The following HCN1 variants were observed in gnomAD, a reference collection of about 807,000 sequenced individuals.
HCN1 encodes potassium/sodium hyperpolarization-activated cyclic nucleotide-gated channel 1.
Under a neutral mutation model 78.9 loss-of-function variants are expected in HCN1, and 13 were observed. The ratio of observed to expected loss-of-function variants is 0.16; its 90% CI spans 0.11 to 0.26. The LOEUF is 0.26. HCN1 is among the 10% of genes least tolerant of loss of function. The pLI is 1.00. For missense variants in HCN1, 810 were observed against 1,154.3 expected, an observed-to-expected ratio of 0.70 and a Z score of 4.32; for synonymous variants, 552 against 455.5, an observed-to-expected ratio of 1.21 and a Z score of -2.70.
rs149800145 is a variant in HCN1, at chr5:45,510,630, G to C, written c.850-48623C>G. Among the ~76,000 whole-genome samples, 33 of 152,130 alleles carry C rather than the reference G, an allele frequency of 2.2e-4. No homozygotes were observed. In the East Asian group the frequency reaches 3.9e-3, roughly 18 times the overall value. On this transcript the variant is annotated intron_variant, in intron 2 of 7. Coordinates refer to ENST00000303230, the MANE Select transcript of HCN1 (RefSeq NM_021072.4). Reference sequence around the variant, plus strand: ...GAAGAGAAAATTTTACTCCTCTCTCGTTTAAGTTTTGGCATCCCAGCCCTG... The same window carrying C: ...GAAGAGAAAATTTTACTCCTCTCTCCTTTAAGTTTTGGCATCCCAGCCCTG...
intron 5 of HCN1, among the ~76,000 whole-genome samples, chr5:45,323,647 G>A (rs940722803): frequency 4.0e-5 from 6 of 151,796 alleles, no homozygotes; most frequent in Non-Finnish European, 8.8e-5. Flanking sequence ...CATGTGCCAT[G>A]TTGCTGTGCT....
chr5:45,632,170 A>G (rs1745280139), intron 2 of HCN1, among the ~76,000 whole-genome samples: 1 of 152,068 alleles, frequency 6.6e-6, no homozygotes, highest in Non-Finnish European at 1.5e-5. Context: ...GGTCGATCAT[A>G]CTGGTTTCCT....
chr5:45,274,986 C>T (rs141196605), intron 6 of HCN1, among the ~76,000 whole-genome samples: 4 of 152,244 alleles, frequency 2.6e-5, no homozygotes, highest in Non-Finnish European at 5.9e-5. Flanking sequence ...TTATTTGTTT[C>T]AAGAAATATG....
intron 6 of HCN1, among the ~76,000 whole-genome samples, chr5:45,275,170 C>T: frequency 6.6e-6 from 1 of 150,750 alleles, no homozygotes; most frequent in Admixed American, 6.6e-5. Context: ...CATTTGAAAC[C>T]AAGATATGGA....
chr5:45,600,497 C>A (rs757962380), intron 2 of HCN1, among the ~76,000 whole-genome samples: 7 of 152,144 alleles, frequency 4.6e-5, no homozygotes, highest in Non-Finnish European at 7.4e-5. Context: ...TGAAAATATT[C>A]TTTTGCATGT....
At chr5:45,550,112 T>G (rs549005060) in intron 2 of HCN1, among the ~76,000 whole-genome samples, 1 of 152,162 alleles carries the variant, frequency 6.6e-6, no homozygotes, top group African/African-American at 2.4e-5. Flanking sequence ...GATCTAGAAC[T>G]AGAAATACCA....
chr5:45,358,350 G>C (rs546989347), intron 4 of HCN1, among the ~76,000 whole-genome samples: 1 of 152,140 alleles, frequency 6.6e-6, no homozygotes, highest in Non-Finnish European at 1.5e-5. Context: ...TCCATGAAAT[G>C]ATACCCTTAT....
At chr5:45,634,763 T>TA (rs996955300) in intron 2 of HCN1, among the ~76,000 whole-genome samples, 1 of 152,016 alleles carries the variant, frequency 6.6e-6, no homozygotes, top group African/African-American at 2.4e-5. Context: ...TCAGTCTAGA[T>TA]AAAAATGAGA....
In HCN1 at chr5:45,370,238, A is replaced by G. The variant is rs201824815; in HGVS notation, c.1231-16992T>C. 2.0e-5 allele frequency among the ~76,000 whole-genome samples: 3 copies of G among 152,212 alleles called. No individual in the cohort carries two copies. The East Asian group carries it at 5.8e-4, about 29-fold the overall frequency. ...TTACCAAATTTGATTAAAAACGGAC[A>G]TATTTATCCAATATTATCAAATTAA... On this transcript the variant is annotated intron_variant, in intron 4 of 7. Transcript: ENST00000303230.
intron 3 of HCN1, among the ~76,000 whole-genome samples, chr5:45,434,399 GA>G (rs2112080269): frequency 6.6e-6 from 1 of 152,252 alleles, no homozygotes; most frequent in South Asian, 2.1e-4. Context: ...GCAGCCTTCT[GA>G]AGTGAAACAA....
chr5:45,618,294 G>A (rs773085023), intron 2 of HCN1, among the ~76,000 whole-genome samples: 4 of 151,976 alleles, frequency 2.6e-5, no homozygotes, highest in Admixed American at 2.0e-4. Flanking sequence ...AAAGGGACAC[G>A]GAGGTATTCC....
rs1340599360 is a variant in HCN1 at position 45,261,974 on chromosome 5, C to G, written c.2620G>C (p.Val874Leu). 8.1e-6 allele frequency: 13 copies of G among 1,613,928 alleles called. No individual in the cohort carries two copies. The highest frequency in any genetic ancestry group is 2.5e-6 in the Non-Finnish European group (3 of 1,180,030). The change falls in exon 8 of 8, where the codon GTC becomes CTC. Residue 874 changes from valine (V) to leucine (L), a missense_variant. Physicochemically the swap from Val to Leu is conservative, Grantham distance 32. Coordinates refer to ENST00000303230, the MANE Select transcript of HCN1 (RefSeq NM_021072.4). ...AAALPRESSS[V>L]LNTDPDAEKP... is the part of the protein sequence containing the mutation. ...TCTGCGTCTGGGTCTGTGTTTAAGACTGAGGAAGATTCTCTTGGAAGAGCA... is the reference window on the plus strand; with the variant it reads ...TCTGCGTCTGGGTCTGTGTTTAAGAGTGAGGAAGATTCTCTTGGAAGAGCA...
At chr5:45,512,488 A>C (rs974305888) in intron 2 of HCN1, among the ~76,000 whole-genome samples, 1 of 152,140 alleles carries the variant, frequency 6.6e-6, no homozygotes, top group Non-Finnish European at 1.5e-5. Context: ...ATTAGTATGT[A>C]TAAAAAATAT....
chr5:45,587,928 TC>T (rs1744269767), intron 2 of HCN1, among the ~76,000 whole-genome samples: 1 of 152,102 alleles, frequency 6.6e-6, no homozygotes, highest in Non-Finnish European at 1.5e-5. Context: ...GCTCTCTTTC[TC>T]CTTCTCTTTC....
At chr5:45,267,670 A>C (rs1030944579) in intron 6 of HCN1, among the ~76,000 whole-genome samples, 1 of 152,120 alleles carries the variant, frequency 6.6e-6, no homozygotes, top group African/African-American at 2.4e-5. Context: ...CGGGAGGCTG[A>C]GGCAGGAGAA....
intron 4 of HCN1, among the ~76,000 whole-genome samples, chr5:45,386,576 G>A (rs1324131784): frequency 6.6e-6 from 1 of 152,068 alleles, no homozygotes; most frequent in Non-Finnish European, 1.5e-5. Flanking sequence ...TTCAAAGGTG[G>A]AGCTTAGTTC....
At position 45,343,152 on chromosome 5, in the gene HCN1, T is replaced by C. The variant is rs560634593; in HGVS notation, c.1377+9948A>G. Among the ~76,000 whole-genome samples the C allele has an allele frequency of 2.0e-5, 3 of 152,284 alleles. No individual in the cohort carries two copies. The South Asian group carries it at 6.2e-4, about 32-fold the overall frequency. On this transcript the variant is annotated intron_variant, in intron 5 of 7. Transcript: ENST00000303230. ...CAAAACAGCAAGTTGCACAATTTTG[T>C]TGTAGGCCACTTTGCAACAGACATG...
chr5:45,417,210 C>A (rs1561146601), intron 3 of HCN1, among the ~76,000 whole-genome samples: 2 of 151,956 alleles, frequency 1.3e-5, no homozygotes, highest in Middle Eastern at 3.4e-3. Context: ...TGAAAGTTGA[C>A]ATTTTTTTTG....
chr5:45,631,048 C>T (rs950049976), intron 2 of HCN1, among the ~76,000 whole-genome samples: 3 of 152,026 alleles, frequency 2.0e-5, no homozygotes, highest in African/African-American at 7.2e-5. Flanking sequence ...TTGTCTGGGA[C>T]CAAAAACATC....
Sources: allele counts gnomAD v4.1 joint callset (sites outside exome capture counted in the v4.1 genomes callset), GRCh38; gene constraint gnomAD v4.1.1; transcripts MANE v1.5; gene names NCBI Gene and HGNC (gene_info 2026-07-23, HGNC 2026-07-21).